The following PARD3B variants were observed in gnomAD, a reference collection of about 807,000 sequenced individuals.
PARD3B encodes par-3 family cell polarity regulator beta, also known as partitioning defective 3 homolog B.
PARD3B carries 103 observed loss-of-function variants against 130.2 expected under a neutral mutation model. The observed-to-expected ratio is 0.79, with a 90% CI of 0.67 to 0.93. The LOEUF is 0.93. Ranked by LOEUF, PARD3B falls within the 40% of genes least tolerant of loss-of-function variation. The probability of loss-of-function intolerance (pLI) is 0.00; values close to 1 mark genes in which losing one functional copy is unlikely to be tolerated. For synonymous variants in PARD3B, 583 were observed against 553.2 expected, an observed-to-expected ratio of 1.05 and a Z score of -0.76; for missense variants, 1,609 against 1,499.2, an observed-to-expected ratio of 1.07 and a Z score of -1.21.
rs1160097242 is a variant in PARD3B at position 205,280,100 on chromosome 2, CTAAAG to C, written c.2186-20429_2186-20425del. Among the ~76,000 whole-genome samples the C allele has an allele frequency of 6.6e-6, 1 of 152,148 alleles. No individual in the cohort carries two copies. The highest frequency in any genetic ancestry group is 2.4e-5 in the African/African-American group (1 of 41,438). On this transcript the variant is annotated intron_variant, in intron 16 of 22. Coordinates refer to ENST00000406610, the MANE Select transcript of PARD3B (RefSeq NM_001302769.2). The surrounding 1 kb of genome is among the most constrained non-coding windows in gnomAD (Gnocchi z 4.7). ...CTCTTTGTGTTAGGATTTCTTCTGT[CTAAAG>C]GTAGGAATAGCAGTTGCCATTCTCT...
At chr2:204,651,235 C>G (rs962908479) in intron 1 of PARD3B, among the ~76,000 whole-genome samples, 1 of 152,186 alleles carries the variant, frequency 6.6e-6, no homozygotes, top group Admixed American at 6.5e-5. Flanking sequence ...CAAGACAAGT[C>G]CCTTCCATCT....
chr2:204,961,937 A>T (rs1047535574), intron 2 of PARD3B, among the ~76,000 whole-genome samples: 1 of 152,210 alleles, frequency 6.6e-6, no homozygotes, highest in South Asian at 2.1e-4. Flanking sequence ...AGATACTGGA[A>T]ACTGCTGTGT....
At chr2:205,447,981 T>G (rs1333191465) in intron 20 of PARD3B, among the ~76,000 whole-genome samples, 1 of 152,228 alleles carries the variant, frequency 6.6e-6, no homozygotes, top group Non-Finnish European at 1.5e-5. Flanking sequence ...AAGTGACTGC[T>G]ATGACCACCT....
chr2:204,921,150 T>G (rs1303134535), intron 2 of PARD3B, among the ~76,000 whole-genome samples: 4 of 152,182 alleles, frequency 2.6e-5, no homozygotes, highest in Non-Finnish European at 5.9e-5. Flanking sequence ...TTTACAAACC[T>G]GAGACTATGT....
At chr2:204,945,313 C>T (rs929291307) in intron 2 of PARD3B, among the ~76,000 whole-genome samples, 13 of 152,022 alleles carry the variant, frequency 8.6e-5, no homozygotes, top group Admixed American at 6.6e-4. Flanking sequence ...GGTTCAGGTC[C>T]GGGAGATGAA....
chr2:205,348,607 C>T (rs556000640), intron 18 of PARD3B, among the ~76,000 whole-genome samples: 8 of 152,272 alleles, frequency 5.3e-5, no homozygotes, highest in South Asian at 4.1e-4. Flanking sequence ...CCTAAAATAT[C>T]GGTTTCCCAT....
intron 18 of PARD3B, among the ~76,000 whole-genome samples, chr2:205,332,008 G>A (rs1207244338): frequency 6.6e-6 from 1 of 151,960 alleles, no homozygotes; most frequent in Non-Finnish European, 1.5e-5. Context: ...GGGAAACCGA[G>A]GCAGGAGAAT....
intron 3 of PARD3B, among the ~76,000 whole-genome samples, chr2:205,045,967 A>G (rs1350294016): frequency 1.3e-5 from 2 of 152,140 alleles, no homozygotes; most frequent in East Asian, 1.9e-4. Flanking sequence ...ATTTTCTCCC[A>G]TTCAAGATTA....
intron 2 of PARD3B, among the ~76,000 whole-genome samples, chr2:204,843,184 A>G (rs924554565): frequency 1.3e-5 from 2 of 152,098 alleles, no homozygotes; most frequent in African/African-American, 4.8e-5. Flanking sequence ...AGAGAAAAAA[A>G]AAATTAGACA....
chr2:205,037,477 A>ATATG (rs1262136141), intron 3 of PARD3B, among the ~76,000 whole-genome samples: 1 of 147,966 alleles, frequency 6.8e-6, no homozygotes, highest in East Asian at 2.0e-4. Context: ...CATAAAATAT[A>ATATG]GTGGACTATA....
intron 1 of PARD3B, among the ~76,000 whole-genome samples, chr2:204,651,237 C>T (rs1423245621): frequency 2.6e-5 from 4 of 152,204 alleles, no homozygotes; most frequent in Non-Finnish European, 4.4e-5. Context: ...AGACAAGTCC[C>T]TTCCATCTAT....
intron 15 of PARD3B, among the ~76,000 whole-genome samples, chr2:205,228,338 C>G (rs190743129): frequency 3.8e-4 from 58 of 152,184 alleles, no homozygotes; most frequent in Non-Finnish European, 5.9e-5. Context: ...CTTTATTTCT[C>G]CTTCACGTTT....
At chr2:204,850,798 T>A (rs940388199) in intron 2 of PARD3B, among the ~76,000 whole-genome samples, 1 of 152,206 alleles carries the variant, frequency 6.6e-6, no homozygotes, top group African/African-American at 2.4e-5. Context: ...GTGCTTAATG[T>A]ATCTTTTATG....
chr2:204,821,730 A>G (rs1032372624), intron 2 of PARD3B, among the ~76,000 whole-genome samples: 1 of 152,002 alleles, frequency 6.6e-6, no homozygotes, highest in Admixed American at 6.6e-5. Flanking sequence ...AAAATAAAAA[A>G]AATAGAAATG....
intron 4 of PARD3B, among the ~76,000 whole-genome samples, chr2:205,072,725 C>T (rs545777172): frequency 2.8e-4 from 43 of 152,206 alleles, no homozygotes; most frequent in African/African-American, 8.7e-4. Context: ...TTCTCTGTAA[C>T]TGCATTCATT....
At chr2:205,168,293 G>A (rs915893088) in intron 11 of PARD3B, among the ~76,000 whole-genome samples, 1 of 106,730 alleles carries the variant, frequency 9.4e-6, no homozygotes, top group Non-Finnish European at 2.0e-5. Flanking sequence ...GAAAGGGAGA[G>A]AGAGAGAGAG....
rs913052435 is a variant in PARD3B at position 205,258,486 on chromosome 2, A to T, written c.2185+12664A>T. 6.6e-6 allele frequency among the ~76,000 whole-genome samples: 1 copy of T among 152,148 alleles called. No individual in the cohort carries two copies. Among genetic ancestry groups the T allele is most frequent in the Non-Finnish European group, 1.5e-5 (1 of 68,024 alleles). On this transcript the variant is annotated intron_variant, in intron 16 of 22. Transcript: ENST00000406610. This position sits in a 1 kb window ranked among gnomAD's most constrained non-coding sequence, Gnocchi z 4.9. ...CTCTCACCTTACTGTTTACCTCCTT[A>T]TAGAGCTAATCACAGTCTGTAGTAA... is the stretch of plus-strand genomic sequence containing the variant.
chr2:205,097,112 T>C (rs1453733716), intron 4 of PARD3B, among the ~76,000 whole-genome samples: 1 of 152,172 alleles, frequency 6.6e-6, no homozygotes, highest in Non-Finnish European at 1.5e-5. Context: ...TGTTCAGGTA[T>C]GAAATTGGAA....
chr2:205,563,451 CT>C lies in PARD3B; in HGVS notation c.3260+10053del, dbSNP rs1181343961. The stretch of plus-strand genomic sequence containing the variant: ...CCCAGGACTCTCTGGTTTCCAAGGC[CT>C]TTTTAATTTCACTTGACCCCACATG... On this transcript the variant is annotated intron_variant, in intron 22 of 22. Transcript: ENST00000406610. This position sits in a 1 kb window ranked among gnomAD's most constrained non-coding sequence, Gnocchi z 4.2. 5.3e-5 allele frequency among the ~76,000 whole-genome samples: 8 copies of C among 152,092 alleles called. No individual in the cohort carries two copies. Among genetic ancestry groups the C allele is most frequent in the Non-Finnish European group, 1.0e-4 (7 of 68,030 alleles).
Sources: gnomAD v4.1 joint callset for allele counts (sites outside exome capture counted in the v4.1 genomes callset) on GRCh38, gnomAD v4.1.1 for gene constraint, Gnocchi (gnomAD v3.1) non-coding constraint, MANE v1.5 for transcripts, NCBI Gene and HGNC (gene_info 2026-07-23, HGNC 2026-07-21) for gene names.